CDH23: variants seen among roughly 807,000 people sequenced by gnomAD.
CDH23 encodes the protein cadherin related 23, also known as cadherin-23.
A neutral mutation model predicts 317.1 loss-of-function variants in CDH23; 189 were observed. The observed-to-expected ratio is 0.60, with a 90% confidence interval of 0.53 to 0.67. The LOEUF (loss-of-function observed/expected upper bound fraction) is 0.67, where lower values mean the gene tolerates loss of function less well. Ranked by LOEUF, CDH23 falls within the 30% of genes least tolerant of loss-of-function variation. The pLI is 0.00. For missense variants in CDH23, 4,401 were observed against 4,592.4 expected (o/e 0.96, Z 1.20); for synonymous variants, 1,839 against 1,876.8 (o/e 0.98, Z 0.52).
intron 38 of CDH23, among the ~76,000 whole-genome samples, chr10:71,771,209 T>A (rs1840676315): frequency 6.6e-6 from 1 of 152,084 alleles, no homozygotes; most frequent in Non-Finnish European, 1.5e-5. Flanking sequence ...ACCCTTGAGA[T>A]CTGCTGGGTC....
At chr10:71,590,769 G>A (rs1859411833) in intron 9 of CDH23, among the ~76,000 whole-genome samples, 1 of 151,288 alleles carries the variant, frequency 6.6e-6, no homozygotes, top group Non-Finnish European at 1.5e-5. Flanking sequence ...CAGAGGCTGA[G>A]ATGGGAGAAT....
chr10:71,710,224 G>A (rs959973787), intron 27 of CDH23, among the ~76,000 whole-genome samples: 3 of 152,232 alleles, frequency 2.0e-5, no homozygotes, highest in Non-Finnish European at 4.4e-5. Flanking sequence ...TCAGGTTCAA[G>A]TGCAGCGGCA....
At chr10:71,742,454 A>G (rs1447795776) in intron 38 of CDH23, among the ~76,000 whole-genome samples, 3 of 152,232 alleles carry the variant, frequency 2.0e-5, no homozygotes, top group Non-Finnish European at 4.4e-5. Context: ...ACCACTGCCC[A>G]AGGCAATGTT....
chr10:71,441,902 C>G (rs1053909259), intron 2 of CDH23, among the ~76,000 whole-genome samples: 1 of 152,184 alleles, frequency 6.6e-6, no homozygotes, highest in Admixed American at 6.5e-5. Context: ...CTCCTGTCTT[C>G]CACTCCCGCT....
At chr10:71,764,506 A>G (rs1840481091) in intron 38 of CDH23, among the ~76,000 whole-genome samples, 1 of 152,206 alleles carries the variant, frequency 6.6e-6, no homozygotes, top group South Asian at 2.1e-4. Context: ...AGATGGCAAC[A>G]TTTAAAAACC....
chr10:71,458,890 C>T (rs1386866415), intron 3 of CDH23, among the ~76,000 whole-genome samples: 18 of 152,234 alleles, frequency 1.2e-4, no homozygotes, highest in African/African-American at 4.3e-4. Flanking sequence ...CGGGTTCACG[C>T]GATTCTTCTG....
intron 30 of CDH23, among the ~76,000 whole-genome samples, chr10:71,727,203 A>G (rs1435293911): frequency 1.3e-5 from 2 of 152,228 alleles, no homozygotes; most frequent in Non-Finnish European, 2.9e-5. Flanking sequence ...GGCAAAGAGG[A>G]ATTAGCCGAC....
intron 9 of CDH23, among the ~76,000 whole-genome samples, chr10:71,612,797 C>T (rs919307206): frequency 6.6e-6 from 1 of 152,236 alleles, no homozygotes; most frequent in Non-Finnish European, 1.5e-5. Context: ...TCTGCTTCAC[C>T]CAGCCTCAGC....
intron 25 of CDH23, 74 bp from the exon 26 acceptor site, chr10:71,706,823 G>A: frequency 6.6e-7 from 1 of 1,518,346 alleles, no homozygotes; most frequent in Non-Finnish European, 8.9e-7. Flanking sequence ...GTCTGGTGCT[G>A]GAGACGCTGC....
chr10:71,440,659 C>T (rs1442323446), intron 2 of CDH23, among the ~76,000 whole-genome samples: 1 of 152,154 alleles, frequency 6.6e-6, no homozygotes, highest in Non-Finnish European at 1.5e-5. Flanking sequence ...CCAGAGCCCA[C>T]GGAGGAGGGT....
At chr10:71,706,779 C>T (rs1455955561) in intron 25 of CDH23, 118 bp from the exon 26 acceptor site, 3 of 1,462,474 alleles carry the variant, frequency 2.1e-6, no homozygotes, top group Non-Finnish European at 2.7e-6. Context: ...CCACTTGGAG[C>T]CCGTGACTCC....
intron 1 of CDH23, among the ~76,000 whole-genome samples, chr10:71,421,092 T>C (rs2131950647): frequency 6.6e-6 from 1 of 152,368 alleles, no homozygotes; most frequent in East Asian, 1.9e-4. Context: ...CAGGTTCTTA[T>C]ACTGCTCTCT....
intron 49 of CDH23, among the ~76,000 whole-genome samples, chr10:71,797,660 G>A (rs1841438104): frequency 6.6e-6 from 1 of 152,210 alleles, no homozygotes; most frequent in South Asian, 2.1e-4. Flanking sequence ...GAGGTAACCT[G>A]AGGCCACAGA....
chr10:71,454,546 A>G (rs186117765), intron 3 of CDH23, among the ~76,000 whole-genome samples: 1 of 152,198 alleles, frequency 6.6e-6, no homozygotes, highest in East Asian at 1.9e-4. Flanking sequence ...CACTGCTGTC[A>G]CTCTGAATGA....
chr10:71,702,748 G>A, intron 24 of CDH23, 54 bp downstream of exon 24: 2 of 1,606,736 alleles, frequency 1.2e-6, no homozygotes, highest in Non-Finnish European at 1.7e-6. Context: ...GTGGGTGCCT[G>A]AGGAGCCTAG....
At chr10:71,627,706 G>A (rs965305755) in intron 11 of CDH23, among the ~76,000 whole-genome samples, 40 of 152,250 alleles carry the variant, frequency 2.6e-4, no homozygotes, top group Middle Eastern at 3.4e-3. Flanking sequence ...GTTGGATTTG[G>A]GAAATTGTTC....
At chr10:71,571,203 G>A (rs1375733573) in intron 8 of CDH23, among the ~76,000 whole-genome samples, 1 of 152,238 alleles carries the variant, frequency 6.6e-6, no homozygotes, top group Non-Finnish European at 1.5e-5. Flanking sequence ...TATGTGGAGG[G>A]ATGGGGATCC....
intron 3 of CDH23, among the ~76,000 whole-genome samples, chr10:71,483,894 A>G (rs1589125523): frequency 6.6e-6 from 1 of 151,718 alleles, no homozygotes; most frequent in South Asian, 2.1e-4. Context: ...CTCCCCCCAC[A>G]CACATGTGCC....
intron 8 of CDH23, among the ~76,000 whole-genome samples, chr10:71,572,803 C>A (rs1019777600): frequency 3.3e-5 from 5 of 152,290 alleles, no homozygotes. Flanking sequence ...TGTAATGTTA[C>A]CTATATATGT....
Sources: gnomAD v4.1 joint callset for allele counts (sites outside exome capture counted in the v4.1 genomes callset) on GRCh38, gnomAD v4.1.1 for gene constraint, MANE v1.5 for transcripts, NCBI Gene and HGNC (gene_info 2026-07-23, HGNC 2026-07-21) for gene names.